FLNB: variants seen among roughly 807,000 people sequenced by gnomAD.
The protein encoded by FLNB is filamin B.
Under a neutral mutation model 250.6 loss-of-function variants are expected in FLNB, and 111 were observed. The observed-to-expected ratio is 0.44, with a 90% CI of 0.38 to 0.52. The LOEUF is 0.52. FLNB is among the 20% of genes least tolerant of loss of function. The probability of loss-of-function intolerance (pLI) is 0.00; values close to 1 mark genes in which losing one functional copy is unlikely to be tolerated. For missense variants in FLNB, 2,869 were observed against 3,447.8 expected (o/e 0.83, Z 4.20); for synonymous variants, 1,302 against 1,372.1 (o/e 0.95, Z 1.13).
intron 1 of FLNB, among the ~76,000 whole-genome samples, chr3:58,057,950 C>T (rs2097172851): frequency 6.6e-6 from 1 of 152,078 alleles, no homozygotes; most frequent in African/African-American, 2.4e-5. Flanking sequence ...GCCACCACGC[C>T]GGGCTAATTT....
At chr3:58,154,029 T>C (rs2097349479) in intron 39 of FLNB, among the ~76,000 whole-genome samples, 1 of 152,184 alleles carries the variant, frequency 6.6e-6, no homozygotes, top group East Asian at 1.9e-4. Context: ...GGAAGATCTG[T>C]AGGGAAAAAA....
chr3:58,127,094 A>G (rs9871656), intron 24 of FLNB, among the ~76,000 whole-genome samples: 4,503 of 152,272 alleles, frequency 0.03, 232 homozygotes, highest in African/African-American at 0.1. Flanking sequence ...AGGCCAAGGC[A>G]TGCAGATTGC....
In FLNB at chr3:58,037,491, C is replaced by G. The variant is rs1474240456; in HGVS notation, c.292+28635C>G. Among the ~76,000 whole-genome samples, 3 of 152,210 alleles carry G rather than the reference C, an allele frequency of 2.0e-5. No homozygotes were observed. The East Asian group carries it at 5.8e-4, about 29-fold the overall frequency. On this transcript the variant is annotated intron_variant, in intron 1 of 45. Transcript: ENST00000295956. ...TGGGGAGGTTCCTTCACCCTTGCCT[C>G]CCGCTGCCTCCTCTTGACCACTCAT...
chr3:58,125,387 C>T (rs556613411), intron 22 of FLNB, among the ~76,000 whole-genome samples, 194 bp from the exon 23 acceptor site: 1 of 152,340 alleles, frequency 6.6e-6, no homozygotes, highest in South Asian at 2.1e-4. Context: ...CCCACCTCGG[C>T]CTCCCAAAGT....
chr3:58,096,360 A>G (rs1409196494), intron 6 of FLNB, 142 bp downstream of exon 6: 2 of 719,216 alleles, frequency 2.8e-6, no homozygotes, highest in Admixed American at 2.1e-5. Context: ...ATGATAGAAA[A>G]TTGGAATCAC....
intron 1 of FLNB, among the ~76,000 whole-genome samples, chr3:58,029,586 T>G (rs1415993805): frequency 6.6e-6 from 1 of 151,398 alleles, no homozygotes; most frequent in Non-Finnish European, 1.5e-5. Flanking sequence ...CTCACTGCAG[T>G]CTTCACCTCC....
intron 32 of FLNB, among the ~76,000 whole-genome samples, chr3:58,145,422 C>G (rs2097334271): frequency 6.6e-6 from 1 of 152,172 alleles, no homozygotes; most frequent in Non-Finnish European, 1.5e-5. Flanking sequence ...GTTGTGAACA[C>G]TTAGGTCTTT....
intron 4 of FLNB, among the ~76,000 whole-genome samples, chr3:58,086,812 A>T (rs1356037812): frequency 1.3e-5 from 2 of 152,190 alleles, no homozygotes; most frequent in Admixed American, 1.3e-4. Context: ...ATTCAAACTA[A>T]TGGTTAAAAA....
intron 1 of FLNB, among the ~76,000 whole-genome samples, chr3:58,022,736 C>T (rs1317149905): frequency 1.3e-5 from 2 of 152,146 alleles, no homozygotes; most frequent in East Asian, 3.8e-4. Flanking sequence ...GGTTATTACT[C>T]AGATTCTTGT....
At chr3:58,050,814 C>G (rs1393408867) in intron 1 of FLNB, among the ~76,000 whole-genome samples, 1 of 152,198 alleles carries the variant, frequency 6.6e-6, no homozygotes, top group East Asian at 1.9e-4. Context: ...TCCTCTGGGG[C>G]CCTTCTGCTC....
intron 1 of FLNB, among the ~76,000 whole-genome samples, chr3:58,052,473 T>C (rs965503345): frequency 6.6e-6 from 1 of 152,310 alleles, no homozygotes; most frequent in South Asian, 2.1e-4. Context: ...CTGAGTCATG[T>C]GGCACCCAGC....
chr3:58,066,234 G>A (rs2097185513), intron 1 of FLNB, among the ~76,000 whole-genome samples: 1 of 129,578 alleles, frequency 7.7e-6, no homozygotes, highest in African/African-American at 3.2e-5. Flanking sequence ...TTTTTTTTGA[G>A]ACAGAGTTTT....
At chr3:58,092,798 A>G (rs2097230341) in intron 4 of FLNB, among the ~76,000 whole-genome samples, 1 of 152,232 alleles carries the variant, frequency 6.6e-6, no homozygotes, top group Non-Finnish European at 1.5e-5. Context: ...AGCTAAAGAA[A>G]AAAAACTTTT....
At chr3:58,095,878 C>G (rs2097237544) in intron 5 of FLNB, among the ~76,000 whole-genome samples, 1 of 152,128 alleles carries the variant, frequency 6.6e-6, no homozygotes, top group Admixed American at 6.6e-5. Context: ...AAGTTTCTTG[C>G]TTCATATTCT....
At chr3:58,054,061 A>C (rs905497973) in intron 1 of FLNB, among the ~76,000 whole-genome samples, 3 of 152,154 alleles carry the variant, frequency 2.0e-5, no homozygotes, top group African/African-American at 7.2e-5. Context: ...TGGGCAAAGA[A>C]GGGCCCAGTA....
intron 25 of FLNB, among the ~76,000 whole-genome samples, chr3:58,131,173 A>C (rs1338612873): frequency 6.6e-6 from 1 of 152,186 alleles, no homozygotes; most frequent in Non-Finnish European, 1.5e-5. Context: ...TGTCATATGT[A>C]ATATGGTGGC....
chr3:58,045,648 T>G (rs918982017), intron 1 of FLNB, among the ~76,000 whole-genome samples: 29 of 151,266 alleles, frequency 1.9e-4, no homozygotes, highest in African/African-American at 6.9e-4. Context: ...AATGAAATTT[T>G]ATGATTCTCT....
rs532865874 is a variant in FLNB, at chr3:58,169,911, T to C, written c.7621+118T>C. On this transcript the variant is annotated intron_variant, in intron 45 of 45. Coordinates refer to ENST00000295956, the MANE Select transcript of FLNB (RefSeq NM_001457.4). This position sits in a 1 kb window ranked among gnomAD's most constrained non-coding sequence, Gnocchi z 4.8. Reference sequence around the variant, plus strand: ...TGCCCACCCCCATGTAGGCCAGCCGTTTGCAAGTAACCATCGTCATGACCC... The same window carrying C: ...TGCCCACCCCCATGTAGGCCAGCCGCTTGCAAGTAACCATCGTCATGACCC... The C allele has an allele frequency of 1.4e-6, 1 of 690,980 alleles. No homozygotes were observed. The highest frequency in any genetic ancestry group is 1.8e-5 in the African/African-American group (1 of 55,798). 42.8% of individuals were successfully genotyped at this position (690,980 alleles called of 1,614,324 possible).
At chr3:58,011,245 C>T (rs1412598456) in intron 1 of FLNB, among the ~76,000 whole-genome samples, 1 of 152,094 alleles carries the variant, frequency 6.6e-6, no homozygotes, top group South Asian at 2.1e-4. Flanking sequence ...CCACTCAGGC[C>T]CTAGCTACTC....
Sources: allele counts gnomAD v4.1 joint callset (sites outside exome capture counted in the v4.1 genomes callset), GRCh38; gene constraint gnomAD v4.1.1; non-coding constraint Gnocchi (gnomAD v3.1); transcripts MANE v1.5; gene names NCBI Gene and HGNC (gene_info 2026-07-23, HGNC 2026-07-21).